The following CELF2 variants were observed in gnomAD, a reference collection of about 807,000 sequenced individuals.
The protein encoded by CELF2 is CUGBP Elav-like family member 2.
Under a neutral mutation model 62.6 loss-of-function variants are expected in CELF2, and 8 were observed. The ratio of observed to expected loss-of-function variants is 0.13; its 90% confidence interval spans 0.07 to 0.23. The LOEUF (loss-of-function observed/expected upper bound fraction) is 0.23, where lower values mean the gene tolerates loss of function less well. CELF2 is among the 10% of genes least tolerant of loss of function. CELF2 has a pLI of 1.00. For synonymous variants in CELF2, 258 were observed against 250.0 expected, an observed-to-expected ratio of 1.03 and a Z score of -0.30; for missense variants, 333 against 671.0, an observed-to-expected ratio of 0.50 and a Z score of 5.56.
chr10:10,846,959 G>A (rs980828716), intron 1 of CELF2, among the ~76,000 whole-genome samples: 10 of 151,998 alleles, frequency 6.6e-5, no homozygotes, highest in South Asian at 2.1e-4. Context: ...CATACCTGCC[G>A]GCCTAAGGTT....
At chr10:10,868,731 T>C (rs1470886719) in intron 1 of CELF2, among the ~76,000 whole-genome samples, 4 of 152,264 alleles carry the variant, frequency 2.6e-5, no homozygotes, top group East Asian at 1.9e-4. Context: ...CTTATCACTA[T>C]GTTGTTAAAA....
rs2046642389 is a variant in CELF2 at position 10,938,279 on chromosome 10, T to C, written c.89+18280T>C. Among the ~76,000 whole-genome samples, 1 of 152,230 alleles carries C rather than the reference T, an allele frequency of 6.6e-6. No individual in the cohort carries two copies. The highest frequency in any genetic ancestry group is 1.5e-5 in the Non-Finnish European group (1 of 68,036). ...CAAGGTATTATATTATTTTGCAGTA[T>C]AGGAAATGTTATTTAGATTTAACAA... is the stretch of plus-strand genomic sequence containing the variant. On this transcript the variant is annotated intron_variant, in intron 2 of 13. Coordinates refer to the CELF2 transcript ENST00000636488. The surrounding 1 kb of genome is among the most constrained non-coding windows in gnomAD (Gnocchi z 4.2).
At chr10:11,263,475 G>A (rs549228672) in intron 5 of CELF2, among the ~76,000 whole-genome samples, 1 of 152,210 alleles carries the variant, frequency 6.6e-6, no homozygotes, top group Non-Finnish European at 1.5e-5. Flanking sequence ...CGGCATTTGG[G>A]TCAGTAGCCA....
upstream of CELF2, among the ~76,000 whole-genome samples, chr10:11,004,415 G>GTGCA (rs1491306907): frequency 7.4e-6 from 1 of 134,326 alleles, no homozygotes; most frequent in African/African-American, 3.9e-5. This position sits in a 1 kb window ranked among gnomAD's most constrained non-coding sequence, Gnocchi z 5.0. Flanking sequence ...GTGTGTGTGT[G>GTGCA]CGCGCGCGTG....
At chr10:11,210,678 G>A (rs1358869913) in intron 2 of CELF2, among the ~76,000 whole-genome samples, 1 of 152,202 alleles carries the variant, frequency 6.6e-6, no homozygotes, top group Non-Finnish European at 1.5e-5. Flanking sequence ...CAGGCGGGTG[G>A]CTGCAGAAGA....
chr10:10,516,212 G>T, the CELF2 span, among the ~76,000 whole-genome samples: 3 of 152,186 alleles, frequency 2.0e-5, no homozygotes, highest in Non-Finnish European at 4.4e-5. Context: ...CAGACTAGGG[G>T]TAGGCAATAG....
At chr10:11,277,596 C>T (rs1453447302) in intron 8 of CELF2, among the ~76,000 whole-genome samples, 1 of 152,206 alleles carries the variant, frequency 6.6e-6, no homozygotes, top group African/African-American at 2.4e-5. Context: ...CCCAGTGGAG[C>T]TTAAGTTAAA....
chr10:10,529,209 T>A, the CELF2 span, among the ~76,000 whole-genome samples: 2 of 152,192 alleles, frequency 1.3e-5, no homozygotes. Flanking sequence ...AGGAGCCTAG[T>A]GTGTTCTTTT....
chr10:10,739,629 A>T, the CELF2 span, among the ~76,000 whole-genome samples: 1 of 152,192 alleles, frequency 6.6e-6, no homozygotes, highest in East Asian at 1.9e-4. Context: ...ATATTTCACC[A>T]GTTTTTCCAC....
At chr10:10,873,871 C>G (rs2060917190) in intron 1 of CELF2, among the ~76,000 whole-genome samples, 2 of 152,134 alleles carry the variant, frequency 1.3e-5, no homozygotes. Flanking sequence ...AAACAGCTTC[C>G]TGTGAGCAAA....
chr10:10,996,238 G>C (rs922401595), intron 2 of CELF2, among the ~76,000 whole-genome samples: 2 of 152,194 alleles, frequency 1.3e-5, no homozygotes, highest in Non-Finnish European at 2.9e-5. Flanking sequence ...ACCTTTGCTT[G>C]TCTGTTCAGA....
chr10:11,222,846 A>G (rs2065280919), intron 3 of CELF2, among the ~76,000 whole-genome samples: 1 of 152,264 alleles, frequency 6.6e-6, no homozygotes, highest in Admixed American at 6.5e-5. Flanking sequence ...ATGAATGTAG[A>G]TACGTTATCA....
the CELF2 span, among the ~76,000 whole-genome samples, chr10:10,674,573 T>C: frequency 6.6e-6 from 1 of 152,216 alleles, no homozygotes; most frequent in African/African-American, 2.4e-5. Flanking sequence ...ATTTCCTTTT[T>C]GTTGCTATTG....
chr10:10,473,527 T>C, the CELF2 span, among the ~76,000 whole-genome samples: 1 of 152,060 alleles, frequency 6.6e-6, no homozygotes, highest in South Asian at 2.1e-4. Context: ...AGCAAGTTTT[T>C]TGTAAAGACA....
intron 2 of CELF2, among the ~76,000 whole-genome samples, chr10:10,958,526 G>T (rs542547086): frequency 6.6e-6 from 1 of 152,282 alleles, no homozygotes; most frequent in Admixed American, 6.5e-5. Flanking sequence ...TCATTTGGAG[G>T]CATCCTCTCG....
chr10:11,229,615 G>A (rs1186159555), intron 3 of CELF2, among the ~76,000 whole-genome samples: 2 of 114,090 alleles, frequency 1.8e-5, no homozygotes, highest in Middle Eastern at 4.8e-3. Flanking sequence ...TTTTTTTTTT[G>A]AGACAGTCTC....
chr10:10,598,004 C>T, the CELF2 span, among the ~76,000 whole-genome samples: 2 of 152,122 alleles, frequency 1.3e-5, no homozygotes, highest in African/African-American at 4.8e-5. Context: ...GTGCAAAAGG[C>T]ATATCATTTG....
At chr10:11,072,895 G>A (rs994576799) in intron 1 of CELF2, among the ~76,000 whole-genome samples, 2 of 151,690 alleles carry the variant, frequency 1.3e-5, no homozygotes. Context: ...AATAAAATTG[G>A]TTTTTAAAAC....
At chr10:11,009,141 A>G (rs2055930057) in intron 1 of CELF2, among the ~76,000 whole-genome samples, 1 of 151,926 alleles carries the variant, frequency 6.6e-6, no homozygotes, top group South Asian at 2.1e-4. Context: ...TGTGGAGAGG[A>G]TTAAAATTCG....
Sources: gnomAD v4.1 joint callset for allele counts (sites outside exome capture counted in the v4.1 genomes callset) on GRCh38, gnomAD v4.1.1 for gene constraint, Gnocchi (gnomAD v3.1) non-coding constraint, MANE v1.5 for transcripts, NCBI Gene and HGNC (gene_info 2026-07-23, HGNC 2026-07-21) for gene names.